The following PWWP2A variants were observed in gnomAD, a reference collection of about 807,000 sequenced individuals.
The protein encoded by PWWP2A is PWWP domain-containing protein 2A.
PWWP2A carries 18 observed loss-of-function variants against 48.5 expected under a neutral mutation model. The ratio of observed to expected loss-of-function variants is 0.37; its 90% confidence interval spans 0.26 to 0.55. PWWP2A has a LOEUF of 0.55. PWWP2A is among the 20% of genes least tolerant of loss of function. The pLI, the probability that PWWP2A is intolerant of heterozygous loss-of-function variation, is 0.81. For synonymous variants in PWWP2A, 396 were observed against 387.7 expected, an observed-to-expected ratio of 1.02 and a Z score of -0.25; for missense variants, 867 against 976.4, an observed-to-expected ratio of 0.89 and a Z score of 1.49.
intron 1 of PWWP2A, among the ~76,000 whole-genome samples, chr5:160,094,389 T>C (rs543493754): frequency 1.3e-5 from 2 of 152,354 alleles, no homozygotes; most frequent in Non-Finnish European, 2.9e-5. Context: ...ATACATTACA[T>C]TCACTGAACC....
rs183977071 is a variant in PWWP2A, at chr5:160,068,295, T to C, written c.*80-1424A>G. Reference sequence around the variant, plus strand: ...TGTACATATTCTTATTCCGACAATATTGCAATGGGTCAAAATAATTTTTGG... The same window carrying C: ...TGTACATATTCTTATTCCGACAATACTGCAATGGGTCAAAATAATTTTTGG... On this transcript the variant is annotated intron_variant and NMD_transcript_variant, in intron 2 of 5. Transcript: ENST00000524050. Among the ~76,000 whole-genome samples, 3 of 152,304 alleles carry C rather than the reference T, an allele frequency of 2.0e-5. No homozygotes were observed. The East Asian group carries it at 5.8e-4, about 29-fold the overall frequency.
downstream of PWWP2A, among the ~76,000 whole-genome samples, chr5:160,087,444 T>C (rs1055423634): frequency 7.9e-5 from 12 of 151,564 alleles, no homozygotes; most frequent in Admixed American, 7.2e-4. Context: ...AGTTATTTCC[T>C]TGTATAGGAC....
rs566953998 is a variant in PWWP2A, at chr5:160,062,985, C to T, written c.*368+557G>A. ...CTGTGCCGCTGCCTTGTGCAGGCAC[C>T]CAGGGTTTATGCCAGTGATTTCCTG... On this transcript the variant is annotated intron_variant and NMD_transcript_variant, in intron 5 of 5. Transcript: ENST00000524050. Among the ~76,000 whole-genome samples the T allele has an allele frequency of 2.0e-5, 3 of 152,220 alleles. No individual in the cohort carries two copies. The South Asian group carries it at 6.2e-4, about 32-fold the overall frequency.
intron 2 of PWWP2A, among the ~76,000 whole-genome samples, chr5:160,085,650 G>A (rs1474766281): frequency 6.6e-6 from 1 of 151,706 alleles, no homozygotes; most frequent in Non-Finnish European, 1.5e-5. Context: ...GGGATTACAG[G>A]TGCGTGCCAG....
intron 1 of PWWP2A, among the ~76,000 whole-genome samples, chr5:160,103,775 T>G (rs921223624): frequency 1.3e-5 from 2 of 151,882 alleles, no homozygotes; most frequent in Non-Finnish European, 2.9e-5. Flanking sequence ...TGTGCCTGAG[T>G]GGAGAGGGCT....
At chr5:160,086,436 G>T (rs1293581698), downstream of PWWP2A, among the ~76,000 whole-genome samples, 1 of 152,106 alleles carries the variant, frequency 6.6e-6, no homozygotes, top group Non-Finnish European at 1.5e-5. Context: ...AGAATCGCCT[G>T]AGCCCAGGAG....
the PWWP2A span, among the ~76,000 whole-genome samples, chr5:160,053,892 G>A: frequency 2.6e-5 from 4 of 152,186 alleles, no homozygotes; most frequent in African/African-American, 9.7e-5. Flanking sequence ...GGAATTATTA[G>A]TGGGTAGAAC....
At chr5:160,076,097 G>C (rs1307582996) in exon 4 of PWWP2A, 1 of 151,940 alleles carries the variant, frequency 6.6e-6, no homozygotes, top group East Asian at 1.9e-4. Context: ...CAACATGGTA[G>C]GTGTAGGTTT....
At chr5:160,099,738 C>A (rs1296450532) in intron 1 of PWWP2A, among the ~76,000 whole-genome samples, 1 of 150,878 alleles carries the variant, frequency 6.6e-6, no homozygotes, top group Admixed American at 6.6e-5. Context: ...AGCGCAGTGG[C>A]CTGATTTCAG....
At chr5:160,111,325 G>A (rs770872493) in intron 1 of PWWP2A, among the ~76,000 whole-genome samples, 1 of 151,966 alleles carries the variant, frequency 6.6e-6, no homozygotes, top group African/African-American at 2.4e-5. Flanking sequence ...ATGCCACTAC[G>A]CCCGGCTAAT....
At chr5:160,090,803 C>CAG (rs10689810), downstream of PWWP2A, 2,812 of 980,352 alleles carry the variant, frequency 2.9e-3, 61 homozygotes, top group African/African-American at 0.045. Context: ...AGTTAAGACA[C>CAG]AAAGTATGAA....
rs1753944651 is a variant in PWWP2A, at chr5:160,077,413, A to C, written c.*742T>G. ...AACACTAGCCTATCCACTTTGAGTCAAAATTTGAAAGGTAAGAATGTAATT... is the reference window on the plus strand; with the variant it reads ...AACACTAGCCTATCCACTTTGAGTCCAAATTTGAAAGGTAAGAATGTAATT... On this transcript the variant is annotated 3_prime_UTR_variant, in exon 4 of 4. Coordinates refer to the PWWP2A transcript ENST00000456329. This position sits in a 1 kb window ranked among gnomAD's most constrained non-coding sequence, Gnocchi z 4.2. 1 of 152,262 alleles carries C rather than the reference A, an allele frequency of 6.6e-6. No individual in the cohort carries two copies. Among genetic ancestry groups the C allele is most frequent in the African/African-American group, 2.4e-5 (1 of 41,478 alleles). The allele number at this position is 152,262 out of a possible 1,614,324, so 9.4% of individuals were successfully genotyped here.
chr5:160,105,774 CAAAAAA>C (rs549595565), intron 1 of PWWP2A: 19 of 65,456 alleles, frequency 2.9e-4, no homozygotes, highest in African/African-American at 8.6e-4. Context: ...GACGCCATCT[CAAAAAA>C]AAAAAAAAAA....
chr5:160,094,770 G>A (rs754407994), intron 1 of PWWP2A, among the ~76,000 whole-genome samples: 20 of 151,956 alleles, frequency 1.3e-4, no homozygotes, highest in East Asian at 1.9e-4. Context: ...GGAATGGGCC[G>A]GGTGCAGTGG....
At chr5:160,046,877 C>T in the PWWP2A span, among the ~76,000 whole-genome samples, 6,658 of 151,906 alleles carry the variant, frequency 0.044, 174 homozygotes, top group East Asian at 0.12. Flanking sequence ...CAGGGCATGG[C>T]GGCACGTGCC....
intron 1 of PWWP2A, among the ~76,000 whole-genome samples, chr5:160,115,136 T>TAAAAA (rs1561708134): frequency 4.6e-4 from 21 of 45,708 alleles, no homozygotes; most frequent in African/African-American, 2.3e-3. Flanking sequence ...GGAGACTCTG[T>TAAAAA]CAAAAAAAAA....
At chr5:160,110,041 G>A (rs572792851) in intron 1 of PWWP2A, among the ~76,000 whole-genome samples, 13 of 148,234 alleles carry the variant, frequency 8.8e-5, no homozygotes, top group South Asian at 2.1e-4. Flanking sequence ...CTTTTTTTGA[G>A]ATAGAGTCTT....
At chr5:160,063,879 C>A (rs1753510497) in intron 4 of PWWP2A, among the ~76,000 whole-genome samples, 1 of 151,344 alleles carries the variant, frequency 6.6e-6, no homozygotes, top group Non-Finnish European at 1.5e-5. Flanking sequence ...TGGGCTCAAA[C>A]CCTCCTCTTG....
chr5:160,052,570 A>AAAC, the PWWP2A span, among the ~76,000 whole-genome samples: 79 of 148,796 alleles, frequency 5.3e-4, 2 homozygotes, highest in South Asian at 4.1e-3. Context: ...AAAAAAAAAA[A>AAAC]AAAACTGTTT....
Sources: gnomAD v4.1 joint callset for allele counts (sites outside exome capture counted in the v4.1 genomes callset) on GRCh38, gnomAD v4.1.1 for gene constraint, Gnocchi (gnomAD v3.1) non-coding constraint, MANE v1.5 for transcripts, NCBI Gene and HGNC (gene_info 2026-07-23, HGNC 2026-07-21) for gene names.